Variants in HPSE2 observed in about 807,000 individuals in gnomAD.
HPSE2 encodes heparanase 2 (inactive).
A neutral mutation model predicts 60.5 loss-of-function variants in HPSE2; 38 were observed. The ratio of observed to expected loss-of-function variants is 0.63; its 90% CI spans 0.48 to 0.82. The LOEUF is 0.82. Ranked by LOEUF, HPSE2 falls within the 40% of genes least tolerant of loss-of-function variation. HPSE2 has a pLI of 0.00. For synonymous variants in HPSE2, 295 were observed against 293.2 expected (o/e 1.01, Z -0.06); for missense variants, 713 against 740.4 (o/e 0.96, Z 0.43).
chr10:98,874,246 A>G (rs1199890797), intron 3 of HPSE2, among the ~76,000 whole-genome samples: 2 of 150,116 alleles, frequency 1.3e-5, no homozygotes, highest in African/African-American at 4.9e-5. Context: ...CTTTTGTTGC[A>G]ATTGCTTTTG....
intron 3 of HPSE2, among the ~76,000 whole-genome samples, chr10:99,055,475 T>C (rs1335373191): frequency 6.6e-6 from 1 of 152,098 alleles, no homozygotes; most frequent in Non-Finnish European, 1.5e-5. Context: ...CACGGATATT[T>C]GGAACAATAT....
intron 3 of HPSE2, among the ~76,000 whole-genome samples, chr10:99,045,649 T>C (rs1472256011): frequency 6.6e-6 from 1 of 151,876 alleles, no homozygotes; most frequent in African/African-American, 2.4e-5. Flanking sequence ...AAGACAGCAA[T>C]GACTTTACAA....
intron 1 of HPSE2, among the ~76,000 whole-genome samples, chr10:99,232,744 T>TC (rs926398662): frequency 1.3e-5 from 2 of 152,058 alleles, no homozygotes; most frequent in African/African-American, 4.8e-5. Flanking sequence ...AGCGGCCCCC[T>TC]CCCGCAGACA....
intron 2 of HPSE2, among the ~76,000 whole-genome samples, chr10:99,205,232 G>A (rs992237595): frequency 8.6e-5 from 13 of 152,026 alleles, no homozygotes; most frequent in Admixed American, 5.2e-4. Context: ...TGTAGCTCCC[G>A]AATCTAAAAT....
chr10:98,843,117 A>G (rs527820577), intron 3 of HPSE2, among the ~76,000 whole-genome samples: 1 of 152,192 alleles, frequency 6.6e-6, no homozygotes, highest in Non-Finnish European at 1.5e-5. Flanking sequence ...GGTTTGTGAT[A>G]CAGATTATTT....
chr10:99,294,770 C>T, the HPSE2 span, among the ~76,000 whole-genome samples: 5 of 151,928 alleles, frequency 3.3e-5, no homozygotes, highest in Admixed American at 3.3e-4. Flanking sequence ...CCTGTCTCTA[C>T]TAAAAATACA....
chr10:98,658,462 C>T (rs1056144866), intron 6 of HPSE2, among the ~76,000 whole-genome samples: 8 of 152,156 alleles, frequency 5.3e-5, no homozygotes, highest in Non-Finnish European at 1.0e-4. Flanking sequence ...CATACAAAAA[C>T]CCATGATGGG....
intron 9 of HPSE2, among the ~76,000 whole-genome samples, chr10:98,559,013 G>A (rs906742135): frequency 1.5e-4 from 23 of 151,996 alleles, no homozygotes; most frequent in African/African-American, 5.3e-4. Flanking sequence ...CCTGGGAATC[G>A]AAGCCTCTCT....
chr10:99,168,991 G>A (rs1392669380), intron 2 of HPSE2, among the ~76,000 whole-genome samples: 1 of 151,728 alleles, frequency 6.6e-6, no homozygotes, highest in Non-Finnish European at 1.5e-5. Context: ...TCAGGAGATC[G>A]AGACCATCCT....
chr10:98,990,435 T>C (rs959501733), intron 3 of HPSE2, among the ~76,000 whole-genome samples: 1 of 152,120 alleles, frequency 6.6e-6, no homozygotes, highest in Admixed American at 6.5e-5. Flanking sequence ...TGACAGGAGG[T>C]GGAGCTCAGG....
intron 9 of HPSE2, among the ~76,000 whole-genome samples, chr10:98,597,826 C>T (rs1171360596): frequency 6.6e-6 from 1 of 151,578 alleles, no homozygotes; most frequent in Admixed American, 6.6e-5. Context: ...CAAAAATTAG[C>T]TGGGCATGGT....
chr10:98,685,495 A>G (rs1222861214), intron 6 of HPSE2, among the ~76,000 whole-genome samples: 1 of 152,160 alleles, frequency 6.6e-6, no homozygotes, highest in Admixed American at 6.5e-5. Flanking sequence ...ACCTCACATA[A>G]CTGAAATAAT....
intron 3 of HPSE2, among the ~76,000 whole-genome samples, chr10:99,118,760 T>TA (rs1197264705): frequency 6.6e-6 from 1 of 152,040 alleles, no homozygotes; most frequent in African/African-American, 2.4e-5. Context: ...CTCACGCCTG[T>TA]AATCTCAGCA....
intron 3 of HPSE2, among the ~76,000 whole-genome samples, chr10:99,122,590 T>C (rs559740787): frequency 3.5e-5 from 5 of 141,236 alleles, no homozygotes; most frequent in South Asian, 2.5e-4. Context: ...CTATAAAATA[T>C]CTTAAAATAA....
chr10:99,013,343 C>T, intron 3 of HPSE2: 1 of 612,564 alleles, frequency 1.6e-6, no homozygotes, highest in Non-Finnish European at 3.1e-6. Flanking sequence ...TTACAGAAAT[C>T]CTCTCTCTGT....
chr10:98,468,219 T>A (rs1179209481), intron 11 of HPSE2, among the ~76,000 whole-genome samples: 1 of 152,176 alleles, frequency 6.6e-6, no homozygotes, highest in Non-Finnish European at 1.5e-5. Flanking sequence ...TGGGGCAGCT[T>A]GAACAGGAAG....
chr10:98,802,285 A>T (rs903024629), intron 3 of HPSE2, among the ~76,000 whole-genome samples: 21 of 120,748 alleles, frequency 1.7e-4, no homozygotes, highest in Non-Finnish European at 2.5e-4. Context: ...TCTTTTTTTT[A>T]AATTTTCTCT....
At chr10:98,548,755 C>T (rs1419627377) in intron 9 of HPSE2, among the ~76,000 whole-genome samples, 2 of 152,142 alleles carry the variant, frequency 1.3e-5, no homozygotes, top group Non-Finnish European at 2.9e-5. Flanking sequence ...AGGCCCATTG[C>T]CCCTGGCCTT....
chr10:98,680,443 A>G (rs1374199363), intron 6 of HPSE2, among the ~76,000 whole-genome samples: 2 of 152,204 alleles, frequency 1.3e-5, no homozygotes, highest in African/African-American at 4.8e-5. Context: ...GTATTGGAAA[A>G]ACTATGTTAA....
Sources: allele counts gnomAD v4.1 joint callset (sites outside exome capture counted in the v4.1 genomes callset), GRCh38; gene constraint gnomAD v4.1.1; transcripts MANE v1.5; gene names NCBI Gene and HGNC (gene_info 2026-07-23, HGNC 2026-07-21).